RIMBP2: variants seen among roughly 807,000 people sequenced by gnomAD.
RIMBP2 encodes RIMS binding protein 2, also known as RIMS-binding protein 2.
Under a neutral mutation model 118.6 loss-of-function variants are expected in RIMBP2, and 48 were observed. The observed-to-expected ratio is 0.40, with a 90% confidence interval of 0.32 to 0.51. The LOEUF (loss-of-function observed/expected upper bound fraction) is 0.51, where lower values mean the gene tolerates loss of function less well. Among genes scored for constraint, RIMBP2 ranks in the 20% least tolerant of loss-of-function variants. The pLI is 0.41. For missense variants in RIMBP2, 1,551 were observed against 1,768.3 expected (o/e 0.88, Z 2.20); for synonymous variants, 762 against 742.9 (o/e 1.03, Z -0.42).
chr12:130,599,557 C>T (rs1053474701), intron 2 of RIMBP2, among the ~76,000 whole-genome samples: 3 of 152,126 alleles, frequency 2.0e-5, no homozygotes, highest in African/African-American at 4.8e-5. Flanking sequence ...CTCAAAATAT[C>T]ATAATACCAT....
intron 2 of RIMBP2, among the ~76,000 whole-genome samples, chr12:130,607,456 G>A (rs958850180): frequency 6.6e-5 from 10 of 152,118 alleles, no homozygotes; most frequent in South Asian, 6.2e-4. Context: ...CCGGCTAATC[G>A]TGGCTACTTG....
chr12:130,399,290 C>T (rs1182059271), intron 22 of RIMBP2: 3 of 480,548 alleles, frequency 6.2e-6, no homozygotes, highest in East Asian at 4.5e-5. Context: ...GTTCAATATG[C>T]TTGAGAAGCC....
At chr12:130,509,274 CAG>C (rs2050669773) in intron 3 of RIMBP2, among the ~76,000 whole-genome samples, 2 of 152,200 alleles carry the variant, frequency 1.3e-5, no homozygotes, top group African/African-American at 4.8e-5. Context: ...ATGTGCCGGA[CAG>C]AGAGTGCCCA....
chr12:130,592,035 C>A (rs2059303680), intron 2 of RIMBP2, among the ~76,000 whole-genome samples: 1 of 152,194 alleles, frequency 6.6e-6, no homozygotes, highest in Non-Finnish European at 1.5e-5. Context: ...TGCAGGAGAG[C>A]TCAAAGCTGG....
At chr12:130,643,255 G>A (rs1456974886) in intron 1 of RIMBP2, among the ~76,000 whole-genome samples, 2 of 152,226 alleles carry the variant, frequency 1.3e-5, no homozygotes, top group Non-Finnish European at 2.9e-5. Flanking sequence ...GGCCCCGGGT[G>A]CACGGGCCAC....
Position 130,447,873 on chromosome 12 carries a change from A to G in RIMBP2, c.581+2327T>C, listed in dbSNP as rs1178435504. On this transcript the variant is annotated intron_variant, in intron 9 of 22. Transcript: ENST00000690449. This position sits in a 1 kb window ranked among gnomAD's most constrained non-coding sequence, Gnocchi z 4.4. ...CGGGGAGAGGCCGCTCGGCACCCAG[A>G]GTGAGCGCCCAGGTGAGCAAGAGGC... is the stretch of plus-strand genomic sequence containing the variant. Among the ~76,000 whole-genome samples, 1 of 152,198 alleles carries G rather than the reference A, an allele frequency of 6.6e-6. No individual in the cohort carries two copies. The highest frequency in any genetic ancestry group is 1.5e-5 in the Non-Finnish European group (1 of 68,018).
At chr12:130,535,643 A>G (rs1349448689) in intron 2 of RIMBP2, among the ~76,000 whole-genome samples, 2 of 149,830 alleles carry the variant, frequency 1.3e-5, no homozygotes, top group Admixed American at 6.7e-5. Flanking sequence ...ATACACATAG[A>G]TATACATACA....
chr12:130,619,982 G>T (rs2061199817), intron 2 of RIMBP2, among the ~76,000 whole-genome samples: 1 of 152,148 alleles, frequency 6.6e-6, no homozygotes, highest in Admixed American at 6.5e-5. Flanking sequence ...GAGCAGGTGT[G>T]CGACGCTGTG....
At chr12:130,421,915 G>A (rs7956853) in intron 17 of RIMBP2, among the ~76,000 whole-genome samples, 3,317 of 152,332 alleles carry the variant, frequency 0.022, 122 homozygotes, top group African/African-American at 0.076. Flanking sequence ...GAAGAGAATG[G>A]AAACGGAATG....
chr12:130,438,335 A>ACGGGGC, intron 12 of RIMBP2, 30 bp downstream of exon 12: 1 of 865,014 alleles, frequency 1.2e-6, no homozygotes, highest in Non-Finnish European at 1.9e-6. Context: ...GGCCTAACAA[A>ACGGGGC]CCCTCCCCAC....
chr12:130,498,955 C>T (rs1593538152), intron 4 of RIMBP2, among the ~76,000 whole-genome samples: 2 of 152,348 alleles, frequency 1.3e-5, no homozygotes, highest in East Asian at 3.9e-4. Context: ...GCTATAAAGA[C>T]ATACCTAAAA....
intron 11 of RIMBP2, among the ~76,000 whole-genome samples, chr12:130,441,267 G>A (rs976253497): frequency 1.1e-4 from 16 of 151,924 alleles, no homozygotes; most frequent in East Asian, 3.9e-4. Context: ...CGAGCGTGGC[G>A]GCAGGTGCCT....
intron 21 of RIMBP2, among the ~76,000 whole-genome samples, chr12:130,403,717 T>C (rs949487734): frequency 3.9e-5 from 6 of 152,194 alleles, no homozygotes; most frequent in Admixed American, 6.5e-5. Flanking sequence ...TATTTGGTAA[T>C]TCTAGCATAA....
chr12:130,536,288 T>A (rs2054078394), intron 2 of RIMBP2, among the ~76,000 whole-genome samples: 1 of 152,164 alleles, frequency 6.6e-6, no homozygotes, highest in South Asian at 2.1e-4. Flanking sequence ...CCCCTGGTTA[T>A]CCCTGGCCTC....
At chr12:130,660,515 A>G (rs1356570873) in intron 1 of RIMBP2, 1 of 152,152 alleles carries the variant, frequency 6.6e-6, no homozygotes, top group Non-Finnish European at 1.5e-5. Context: ...GGTCGTGAAT[A>G]TGGAGAAATC....
At position 130,456,631 on chromosome 12, in the gene RIMBP2, G is replaced by GCGTGCT; in HGVS notation, c.222_223insAGCACG (p.Asp74_Leu75insSerThr). 1 of 1,613,594 alleles carries GCGTGCT rather than the reference G, an allele frequency of 6.2e-7. No individual in the cohort carries two copies. Among genetic ancestry groups the GCGTGCT allele is most frequent in the Non-Finnish European group, 8.5e-7 (1 of 1,179,792 alleles). ...CCAGCGTGCTGCCGGAACTTCTCCA[G>GCGTGCT]GTCCCGGGACAGCAGGTTGAACTGC... is the stretch of plus-strand genomic sequence containing the variant. On this transcript the variant is annotated inframe_insertion, in exon 7 of 23. Coordinates refer to ENST00000690449, the MANE Select transcript of RIMBP2 (RefSeq NM_001393629.1).
At chr12:130,652,980 T>A (rs574654267) in intron 1 of RIMBP2, among the ~76,000 whole-genome samples, 3 of 152,258 alleles carry the variant, frequency 2.0e-5, no homozygotes, top group South Asian at 2.1e-4. Flanking sequence ...ACAAGGCCCC[T>A]TCCCAACAGT....
chr12:130,653,473 G>T lies in RIMBP2; in HGVS notation c.-351-25017C>A, dbSNP rs182279132. ...GCAGCTCCCACGGCTGCTCTCACAG[G>T]TTAGAGTTAAGTGCCTGTGGCTTTT... On this transcript the variant is annotated intron_variant, in intron 1 of 22. Transcript: ENST00000690449. 4.0e-3 allele frequency among the ~76,000 whole-genome samples: 608 copies of T among 152,344 alleles called. 3 individuals carry two copies. Among genetic ancestry groups the T allele is most frequent in the Non-Finnish European group, 3.9e-3 (268 of 68,028 alleles).
Position 130,687,413 on chromosome 12 carries a change from G to A in RIMBP2, c.-352+28809C>T, listed in dbSNP as rs78984129. On this transcript the variant is annotated intron_variant, in intron 1 of 22. Coordinates refer to ENST00000690449, the MANE Select transcript of RIMBP2 (RefSeq NM_001393629.1). ...TATAGGAGGTTAACCAGTCGCCCAC[G>A]CCCCCCAGCACATCTGGGTGGTGGT... Among the ~76,000 whole-genome samples, 1,019 of 152,236 alleles carry A rather than the reference G, an allele frequency of 6.7e-3. 12 individuals carry two copies. Among genetic ancestry groups the A allele is most frequent in the African/African-American group, 0.023 (976 of 41,542 alleles).
Sources: gnomAD v4.1 joint callset for allele counts (sites outside exome capture counted in the v4.1 genomes callset) on GRCh38, gnomAD v4.1.1 for gene constraint, Gnocchi (gnomAD v3.1) non-coding constraint, MANE v1.5 for transcripts, NCBI Gene and HGNC (gene_info 2026-07-23, HGNC 2026-07-21) for gene names.